The following SLC45A4 variants were observed in gnomAD, a reference collection of about 807,000 sequenced individuals.
The protein encoded by SLC45A4 is solute carrier family 45 member 4.
A neutral mutation model predicts 63.7 loss-of-function variants in SLC45A4; 32 were observed. The ratio of observed to expected loss-of-function variants is 0.50; its 90% CI spans 0.38 to 0.67. The LOEUF (loss-of-function observed/expected upper bound fraction) is 0.67, where lower values mean the gene tolerates loss of function less well. Among genes scored for constraint, SLC45A4 ranks in the 30% least tolerant of loss-of-function variants. The pLI is 0.00. For missense variants in SLC45A4, 1,027 were observed against 1,157.7 expected (o/e 0.89, Z 1.64); for synonymous variants, 535 against 510.0 (o/e 1.05, Z -0.66).
At chr8:141,216,652 C>A (rs1177894080) in intron 6 of SLC45A4, among the ~76,000 whole-genome samples, 1 of 152,196 alleles carries the variant, frequency 6.6e-6, no homozygotes, top group African/African-American at 2.4e-5. Context: ...ACCCAATTAC[C>A]CCTGGTTCCT....
At chr8:141,286,908 A>T (rs750128600) in intron 1 of SLC45A4, among the ~76,000 whole-genome samples, 4 of 152,142 alleles carry the variant, frequency 2.6e-5, no homozygotes, top group Non-Finnish European at 5.9e-5. Flanking sequence ...TGTCAGCTGC[A>T]GTGGGGAGGA....
At position 141,212,541 on chromosome 8, in the gene SLC45A4, G is replaced by T. The variant is rs763722556; in HGVS notation, c.1957C>A (p.Pro653Thr). Residue 653 changes from proline to threonine, a missense_variant, in exon 8 of 9, where the codon CCC becomes ACC. Physicochemically the swap from Pro to Thr is conservative, Grantham distance 38 (BLOSUM62 -1). Transcript: ENST00000517878. Reference sequence around the variant, plus strand: ...CCAAACCCTCGCTTGGAGTTCCCGGGGCTGTGGTGGATGTACTGCAAGAGA... The same window carrying T: ...CCAAACCCTCGCTTGGAGTTCCCGGTGCTGTGGTGGATGTACTGCAAGAGA... ...HDIKQYIHHS[P>T]GNSKRGFGID... 1 of 1,606,916 alleles carries T rather than the reference G, an allele frequency of 6.2e-7. No homozygotes were observed. Among genetic ancestry groups the T allele is most frequent in the Non-Finnish European group, 8.5e-7 (1 of 1,176,112 alleles).
intron 5 of SLC45A4, 64 bp from the exon 6 acceptor site, chr8:141,217,253 A>AT: frequency 6.5e-7 from 1 of 1,538,768 alleles, no homozygotes; most frequent in South Asian, 1.1e-5. Context: ...CCAGGAGCGT[A>AT]TTTCCCATGG....
intron 1 of SLC45A4, among the ~76,000 whole-genome samples, chr8:141,258,675 G>A (rs1036407696): frequency 1.3e-5 from 2 of 152,114 alleles, no homozygotes; most frequent in Admixed American, 6.5e-5. Context: ...TTGAGCCCAG[G>A]AGTTGAAGAC....
chr8:141,273,908 T>C (rs560691678), intron 1 of SLC45A4, among the ~76,000 whole-genome samples: 2 of 152,218 alleles, frequency 1.3e-5, no homozygotes, highest in Non-Finnish European at 2.9e-5. Context: ...ATTTCAGCAA[T>C]GTTAATGTCA....
intron 1 of SLC45A4, among the ~76,000 whole-genome samples, chr8:141,295,162 AG>A (rs1317864507): frequency 6.6e-6 from 1 of 152,214 alleles, no homozygotes; most frequent in Non-Finnish European, 1.5e-5. Flanking sequence ...GAGCTGCCAC[AG>A]GCTGGAGGCA....
chr8:141,279,273 G>A (rs1178657892), intron 1 of SLC45A4, among the ~76,000 whole-genome samples: 2 of 152,250 alleles, frequency 1.3e-5, no homozygotes, highest in African/African-American at 4.8e-5. Flanking sequence ...GCCCAGGATG[G>A]CTGCCAGGTG....
At chr8:141,302,762 T>TC (rs1386634254) in intron 1 of SLC45A4, among the ~76,000 whole-genome samples, 5 of 152,198 alleles carry the variant, frequency 3.3e-5, no homozygotes, top group South Asian at 2.1e-4. Context: ...ACTCAGGCAG[T>TC]CCCCCTCGCC....
intron 1 of SLC45A4, among the ~76,000 whole-genome samples, chr8:141,295,163 G>A (rs1290628270): frequency 2.0e-5 from 3 of 152,242 alleles, no homozygotes. Flanking sequence ...AGCTGCCACA[G>A]GCTGGAGGCA....
Position 141,254,006 on chromosome 8 carries a change from G to A in SLC45A4, c.224C>T (p.Pro75Leu), listed in dbSNP as rs1287873635. ...CYAMETALVT[P>L]ILLQIGLPEQ... ...AGACTTACCAATCTGCAACAGTATT[G>A]GTGTGACCAGAGCGGTTTCCATGGC... Residue 75 changes from proline to leucine, a missense_variant, in exon 2 of 9, where the codon CCA becomes CTA. Coordinates refer to ENST00000517878, the MANE Select transcript of SLC45A4 (RefSeq NM_001286646.2). This position sits in a 1 kb window ranked among gnomAD's most constrained non-coding sequence, Gnocchi z 4.5. The A allele has an allele frequency of 6.5e-7, 1 of 1,536,034 alleles. No homozygotes were observed. The highest frequency in any genetic ancestry group is 8.7e-7 in the Non-Finnish European group (1 of 1,146,922).
chr8:141,303,032 T>TTGCCCCAGCTGGAGTGC (rs1830796263), intron 1 of SLC45A4, among the ~76,000 whole-genome samples: 1 of 149,428 alleles, frequency 6.7e-6, no homozygotes, highest in Non-Finnish European at 1.5e-5. Context: ...TCTCACTCTG[T>TTGCCCCAGCTGGAGTGC]TGCCCCAGCT....
intron 2 of SLC45A4, among the ~76,000 whole-genome samples, chr8:141,237,354 C>T (rs554700408): frequency 6.6e-6 from 1 of 152,158 alleles, no homozygotes; most frequent in Admixed American, 6.5e-5. Context: ...ACTTCCATAA[C>T]ATGCCACAGT....
At chr8:141,296,118 G>A (rs189899609) in intron 1 of SLC45A4, among the ~76,000 whole-genome samples, 59 of 152,270 alleles carry the variant, frequency 3.9e-4, no homozygotes, top group Non-Finnish European at 5.9e-5. Flanking sequence ...ATCACAGGAA[G>A]CCAGGAGTTT....
At chr8:141,260,308 G>A (rs1434335897) in intron 1 of SLC45A4, among the ~76,000 whole-genome samples, 1 of 152,226 alleles carries the variant, frequency 6.6e-6, no homozygotes, top group Non-Finnish European at 1.5e-5. Flanking sequence ...ACCAATGCAA[G>A]CTTCCGAGCT....
intron 2 of SLC45A4, among the ~76,000 whole-genome samples, chr8:141,228,958 C>A (rs995715814): frequency 2.0e-5 from 3 of 152,124 alleles, no homozygotes; most frequent in African/African-American, 7.2e-5. Context: ...ACACCACCCG[C>A]CCCACAGCCC....
rs114152576 is a variant in SLC45A4 at position 141,212,239 on chromosome 8, C to A, written c.2259G>T (p.Thr753=). The A allele has an allele frequency of 6.4e-7, 1 of 1,562,962 alleles. No homozygotes were observed. Among genetic ancestry groups the A allele is most frequent in the Non-Finnish European group, 8.7e-7 (1 of 1,152,010 alleles). Residue 753 remains threonine (T), a synonymous_variant, in exon 8 of 9, where the codon ACG becomes ACT. Transcript: ENST00000517878. The stretch of plus-strand genomic sequence containing the variant: ...CCGGTCCCTGCAGGCCCTCCTTCCG[C>A]GTGAGCTTCAGCACGGTGGGCTTTT... The part of the protein sequence containing the change: ...NSEKPTVLKL[T]RKEGLQGPVE...
In SLC45A4 at chr8:141,278,649, AGCACAG is replaced by A. The variant is rs1317102339; in HGVS notation, c.-400-24026_-400-24021del. Among the ~76,000 whole-genome samples the A allele has an allele frequency of 1.3e-5, 2 of 152,254 alleles. No homozygotes were observed. The highest frequency in any genetic ancestry group is 4.8e-5 in the African/African-American group (2 of 41,458). On this transcript the variant is annotated intron_variant, in intron 1 of 8. Transcript: ENST00000517878. This position sits in a 1 kb window ranked among gnomAD's most constrained non-coding sequence, Gnocchi z 4.1. ...AGTGCTGACCACAGCCCCCACGGGC[AGCACAG>A]GCAAGCAAGTGGAGGAAATAGAGGA...
At chr8:141,221,493 C>T (rs1826629780) in intron 3 of SLC45A4, 84 bp downstream of exon 3, 9 of 1,476,242 alleles carry the variant, frequency 6.1e-6, no homozygotes, top group Non-Finnish European at 8.2e-6. Context: ...TATTCAACAC[C>T]ATTCAGCTTT....
At chr8:141,270,484 G>C (rs1167379510) in intron 1 of SLC45A4, among the ~76,000 whole-genome samples, 1 of 151,696 alleles carries the variant, frequency 6.6e-6, no homozygotes, top group Non-Finnish European at 1.5e-5. Context: ...GACCAGCCTG[G>C]ACAACATGGC....
Sources: allele counts gnomAD v4.1 joint callset (sites outside exome capture counted in the v4.1 genomes callset), GRCh38; gene constraint gnomAD v4.1.1; non-coding constraint Gnocchi (gnomAD v3.1); transcripts MANE v1.5; gene names NCBI Gene and HGNC (gene_info 2026-07-23, HGNC 2026-07-21).